BAZ1A: variants seen among roughly 807,000 people sequenced by gnomAD.
BAZ1A encodes bromodomain adjacent to zinc finger domain protein 1A.
Under a neutral mutation model 185.2 loss-of-function variants are expected in BAZ1A, and 50 were observed. The observed-to-expected ratio is 0.27, with a 90% CI of 0.22 to 0.34. BAZ1A has a LOEUF of 0.34. Ranked by LOEUF, BAZ1A falls within the 10% of genes least tolerant of loss-of-function variation. The pLI is 1.00. For synonymous variants in BAZ1A, 571 were observed against 615.6 expected (o/e 0.93, Z 1.07); for missense variants, 1,356 against 1,839.9 (o/e 0.74, Z 4.81).
At position 34,837,429 on chromosome 14, in the gene BAZ1A, C is replaced by A. The variant is rs377495018; in HGVS notation, c.393-11273G>T. Among the ~76,000 whole-genome samples, 13 of 149,336 alleles carry A rather than the reference C, an allele frequency of 8.7e-5. 1 individual carries two copies. Among genetic ancestry groups the A allele is most frequent in the African/African-American group, 2.7e-4 (11 of 40,252 alleles). ...CTAATTTTTTTTTTTTGTAGAGATG[C>A]GTTTTTGCCATGTTGCTTGGGCTTG... On this transcript the variant is annotated intron_variant, in intron 3 of 26. Coordinates refer to ENST00000360310, the MANE Select transcript of BAZ1A (RefSeq NM_013448.3).
intron 2 of BAZ1A, among the ~76,000 whole-genome samples, chr14:34,869,186 G>A (rs1053281418): frequency 3.3e-5 from 5 of 151,760 alleles, no homozygotes; most frequent in East Asian, 1.9e-4. Flanking sequence ...TAGCCTGGGT[G>A]GTAGGGCCAG....
At chr14:34,760,888 A>T (rs1886493652) in intron 24 of BAZ1A, among the ~76,000 whole-genome samples, 1 of 152,080 alleles carries the variant, frequency 6.6e-6, no homozygotes, top group Non-Finnish European at 1.5e-5. Context: ...ATTACCACTT[A>T]CATTAAAACA....
chr14:34,763,326 C>T (rs1878553997), intron 23 of BAZ1A, among the ~76,000 whole-genome samples: 1 of 151,824 alleles, frequency 6.6e-6, no homozygotes, highest in Non-Finnish European at 1.5e-5. Context: ...TCTATCTCAA[C>T]TTCTCCAACT....
intron 4 of BAZ1A, among the ~76,000 whole-genome samples, chr14:34,825,447 CAAAAAAAAAAAAAA>C (rs35449855): frequency 1.6e-4 from 9 of 55,428 alleles, no homozygotes; most frequent in Non-Finnish European, 1.7e-4. Context: ...AACTCTGTCT[CAAAAAAAAAAAAAA>C]AAAAAAAAAA....
chr14:34,843,949 T>C (rs940074031), intron 3 of BAZ1A, among the ~76,000 whole-genome samples: 3 of 151,992 alleles, frequency 2.0e-5, no homozygotes, highest in South Asian at 2.1e-4. Context: ...CTCACGCCTG[T>C]AATCCCAGCA....
rs1167840425 is a variant in BAZ1A, at chr14:34,785,760, C to A, written c.1831+17G>T. The A allele has an allele frequency of 6.2e-7, 1 of 1,610,548 alleles. No individual in the cohort carries two copies. Among genetic ancestry groups the A allele is most frequent in the African/African-American group, 1.3e-5 (1 of 74,864 alleles). On this transcript the variant is annotated intron_variant, in intron 14 of 26. Coordinates refer to ENST00000360310, the MANE Select transcript of BAZ1A (RefSeq NM_013448.3). Reference sequence around the variant, plus strand: ...GGAAGTGGGCAGGTTATGCAAATTCCAACTTGCAAAGCTTACCTGGTGTCA... The same window carrying A: ...GGAAGTGGGCAGGTTATGCAAATTCAAACTTGCAAAGCTTACCTGGTGTCA...
At chr14:34,778,052 T>G (rs1335352442) in intron 17 of BAZ1A, among the ~76,000 whole-genome samples, 1 of 152,204 alleles carries the variant, frequency 6.6e-6, no homozygotes, top group South Asian at 2.1e-4. Flanking sequence ...TGTTATTTAC[T>G]AACCACTGGT....
chr14:34,857,286 T>G (rs1200412), intron 3 of BAZ1A, among the ~76,000 whole-genome samples: 39,365 of 151,988 alleles, frequency 0.26, 5,863 homozygotes, highest in Middle Eastern at 0.35. Flanking sequence ...GATTACAGGC[T>G]TGAGCCACAA....
chr14:34,829,578 A>AAT (rs2042211502), intron 3 of BAZ1A, among the ~76,000 whole-genome samples: 1 of 152,104 alleles, frequency 6.6e-6, no homozygotes, highest in South Asian at 2.1e-4. Context: ...AGTGTGACTT[A>AAT]TATTGTCTCT....
In BAZ1A at chr14:34,784,095, G is replaced by A. The variant is rs374733294; in HGVS notation, c.1832-168C>T. Among the ~76,000 whole-genome samples the A allele has an allele frequency of 6.6e-5, 10 of 152,092 alleles. No individual in the cohort carries two copies. The East Asian group carries it at 1.4e-3, about 21-fold the overall frequency. ...AGGAAAAAGCAATTATGGGCCAGGC[G>A]CAGTGGCTCACACCTGTAATCCCAG... On this transcript the variant is annotated intron_variant, in intron 14 of 26. Coordinates refer to ENST00000360310, the MANE Select transcript of BAZ1A (RefSeq NM_013448.3).
intron 21 of BAZ1A, among the ~76,000 whole-genome samples, chr14:34,769,244 C>T (rs1235213703): frequency 6.6e-6 from 1 of 152,098 alleles, no homozygotes; most frequent in Non-Finnish European, 1.5e-5. Flanking sequence ...TCCTGCTGTC[C>T]TGTGCAAAAC....
At position 34,855,949 on chromosome 14, in the gene BAZ1A, C is replaced by T. The variant is rs148545908; in HGVS notation, c.392+6095G>A. On this transcript the variant is annotated intron_variant, in intron 3 of 26. Coordinates refer to ENST00000360310, the MANE Select transcript of BAZ1A (RefSeq NM_013448.3). ...AGTAAAGGGCTTTTTACCCTTATTG[C>T]ACACTTAAGAAAAAGAACAAAAAAT... Among the ~76,000 whole-genome samples the T allele has an allele frequency of 1.1e-3, 162 of 152,178 alleles. 2 individuals carry two copies. The highest frequency in any genetic ancestry group is 1.2e-4 in the Non-Finnish European group (8 of 68,004).
intron 3 of BAZ1A, among the ~76,000 whole-genome samples, chr14:34,835,839 T>C (rs2138742284): frequency 6.6e-6 from 1 of 151,504 alleles, no homozygotes; most frequent in African/African-American, 2.4e-5. Flanking sequence ...GCCCAGCTAA[T>C]TTTGTATTTT....
intron 16 of BAZ1A, among the ~76,000 whole-genome samples, chr14:34,780,806 C>A (rs547827060): frequency 3.3e-5 from 5 of 152,232 alleles, no homozygotes; most frequent in Admixed American, 6.5e-5. Context: ...TAGGAAAAAA[C>A]CAGAAGAATT....
At chr14:34,796,537 A>C (rs933973186) in intron 9 of BAZ1A, among the ~76,000 whole-genome samples, 2 of 152,234 alleles carry the variant, frequency 1.3e-5, no homozygotes, top group Non-Finnish European at 2.9e-5. Context: ...CAACAATATT[A>C]GAATAGATGG....
chr14:34,844,252 T>C lies in BAZ1A; in HGVS notation c.392+17792A>G, dbSNP rs537501004. Among the ~76,000 whole-genome samples, 22 of 148,852 alleles carry C rather than the reference T, an allele frequency of 1.5e-4. No individual in the cohort carries two copies. In the South Asian group the frequency reaches 4.6e-3, roughly 31 times the overall value. ...AAAAAAGAATGGTTTAAACACTTATTACCTGAAAAACAAACCAAGAGAACA... is the reference window on the plus strand; with the variant it reads ...AAAAAAGAATGGTTTAAACACTTATCACCTGAAAAACAAACCAAGAGAACA... On this transcript the variant is annotated intron_variant, in intron 3 of 26. Transcript: ENST00000360310.
At chr14:34,861,802 A>C (rs1179355558) in intron 3 of BAZ1A, among the ~76,000 whole-genome samples, 1 of 152,216 alleles carries the variant, frequency 6.6e-6, no homozygotes, top group South Asian at 2.1e-4. Context: ...CGTTTGTTAC[A>C]TAAGACACAT....
At chr14:34,827,791 G>T (rs2042185432) in intron 3 of BAZ1A, among the ~76,000 whole-genome samples, 1 of 150,560 alleles carries the variant, frequency 6.6e-6, no homozygotes, top group Non-Finnish European at 1.5e-5. Context: ...TTACAGATTT[G>T]GGGCCTTATA....
At position 34,776,197 on chromosome 14, in the gene BAZ1A, T is replaced by A; in HGVS notation, c.2555A>T (p.Asp852Val). The A allele has an allele frequency of 1.2e-6, 2 of 1,614,188 alleles. No homozygotes were observed. Among genetic ancestry groups the A allele is most frequent in the Non-Finnish European group, 1.7e-6 (2 of 1,180,028 alleles). Residue 852 changes from aspartate (D) to valine (V), a missense_variant, in exon 18 of 27, where the codon GAT becomes GTT. By Grantham distance (152) the Asp-to-Val change is radical (BLOSUM62 -3). Transcript: ENST00000360310. ...TCCAGTTTTAGTGGATACCTGAGGA[T>A]CTTGAGACTGTACATTATTCTGAAA... is the stretch of plus-strand genomic sequence containing the variant. ...SSFQNNVQSQ[D>V]PQVSTKTGEP...
Sources: gnomAD v4.1 joint callset for allele counts (sites outside exome capture counted in the v4.1 genomes callset) on GRCh38, gnomAD v4.1.1 for gene constraint, MANE v1.5 for transcripts, NCBI Gene and HGNC (gene_info 2026-07-23, HGNC 2026-07-21) for gene names.